Variants in APOLD1 observed in about 807,000 individuals in gnomAD.
APOLD1 encodes the protein apolipoprotein L domain-containing protein 1.
Under a neutral mutation model 15.3 loss-of-function variants are expected in APOLD1, and 22 were observed. The ratio of observed to expected loss-of-function variants is 1.44; its 90% confidence interval spans 1.03 to 2.05. The LOEUF is 2.05. APOLD1 is among the 30% of genes most tolerant of loss of function. The probability of loss-of-function intolerance (pLI) is 0.00; values close to 1 mark genes in which losing one functional copy is unlikely to be tolerated. For missense variants in APOLD1, 394 were observed against 353.5 expected, an observed-to-expected ratio of 1.11 and a Z score of -0.92; for synonymous variants, 190 against 167.4, an observed-to-expected ratio of 1.13 and a Z score of -1.04.
chr12:12,750,648 T>A (rs11055041), intron 1 of APOLD1, among the ~76,000 whole-genome samples: 38,945 of 151,882 alleles, frequency 0.26, 5,422 homozygotes, highest in Middle Eastern at 0.37. Context: ...ATTATTGGAG[T>A]GTAGTATACT....
chr12:12,771,014 T>C (rs564987413), intron 1 of APOLD1, among the ~76,000 whole-genome samples: 21 of 152,218 alleles, frequency 1.4e-4, no homozygotes, highest in African/African-American at 4.8e-4. Flanking sequence ...TGTGAAATCA[T>C]CCTTTAAAAG....
chr12:12,770,555 G>GA (rs760263226), intron 1 of APOLD1, among the ~76,000 whole-genome samples: 56 of 86,968 alleles, frequency 6.4e-4, no homozygotes, highest in African/African-American at 2.5e-3. Flanking sequence ...AAAACAAAGA[G>GA]AAAAAAAGAC....
intron 1 of APOLD1, among the ~76,000 whole-genome samples, chr12:12,750,416 T>C (rs1019007050): frequency 6.6e-6 from 1 of 150,412 alleles, no homozygotes; most frequent in African/African-American, 2.4e-5. Context: ...AAGATACATT[T>C]TGGACTTCTT....
chr12:12,742,954 G>A (rs934391275), intron 1 of APOLD1, among the ~76,000 whole-genome samples: 1 of 152,196 alleles, frequency 6.6e-6, no homozygotes, highest in Non-Finnish European at 1.5e-5. Flanking sequence ...TAAGGTTTTG[G>A]CATGCTGCCC....
intron 1 of APOLD1, among the ~76,000 whole-genome samples, chr12:12,736,372 A>AT (rs981304585): frequency 6.8e-6 from 1 of 146,386 alleles, no homozygotes; most frequent in Non-Finnish European, 1.5e-5. Flanking sequence ...AAACAAAACA[A>AT]AAAAACTAGC....
chr12:12,740,548 G>C (rs550384494), intron 1 of APOLD1, among the ~76,000 whole-genome samples: 1 of 152,308 alleles, frequency 6.6e-6, no homozygotes, highest in Admixed American at 6.5e-5. Context: ...GTAGTTGACT[G>C]TCTTCTGAAC....
intron 1 of APOLD1, among the ~76,000 whole-genome samples, chr12:12,744,913 C>T (rs1269001229): frequency 1.3e-5 from 2 of 152,164 alleles, no homozygotes; most frequent in Non-Finnish European, 2.9e-5. Flanking sequence ...GATCTGCTTT[C>T]CCTTCACCAA....
At position 12,787,195 on chromosome 12, in the gene APOLD1, C is replaced by G. The variant is rs1409767773; in HGVS notation, c.290C>G (p.Ala97Gly). The G allele has an allele frequency of 3.2e-6, 5 of 1,544,918 alleles. No individual in the cohort carries two copies. The highest frequency in any genetic ancestry group is 1.2e-5 in the South Asian group (1 of 81,098). ...GCCGTGGGGCTGGGGGTGGCCACAGCCGGAGGGGCCGTCACCATCACGTCC... is the reference window on the plus strand; with the variant it reads ...GCCGTGGGGCTGGGGGTGGCCACAGGCGGAGGGGCCGTCACCATCACGTCC... ...VSAVGLGVAT[A>G]GGAVTITSDL... The change falls in exon 2 of 2, where the codon GCC (alanine) becomes GGC (glycine). Residue 97 changes from alanine to glycine, a missense_variant. Coordinates refer to ENST00000356591, the MANE Select transcript of APOLD1 (RefSeq NM_030817.3). The surrounding 1 kb of genome is among the most constrained non-coding windows in gnomAD (Gnocchi z 4.9).
chr12:12,763,227 C>A (rs7488089), intron 1 of APOLD1, among the ~76,000 whole-genome samples: 100,985 of 152,094 alleles, frequency 0.66, 35,760 homozygotes, highest in Non-Finnish European at 0.78. Flanking sequence ...CTAAATCAAG[C>A]TAATTAACAT....
intron 1 of APOLD1, among the ~76,000 whole-genome samples, chr12:12,776,046 T>C (rs1195996160): frequency 9.0e-6 from 1 of 111,556 alleles, no homozygotes; most frequent in Non-Finnish European, 2.0e-5. Context: ...CAAACAAAAC[T>C]AAATTAATAA....
intron 1 of APOLD1, among the ~76,000 whole-genome samples, chr12:12,757,572 G>T (rs1039692073): frequency 2.6e-5 from 4 of 152,060 alleles, no homozygotes; most frequent in Admixed American, 6.6e-5. Context: ...TCAAGAACTA[G>T]AACGTTGTCA....
intron 1 of APOLD1, among the ~76,000 whole-genome samples, chr12:12,735,508 C>T (rs1946677595): frequency 6.6e-6 from 1 of 152,068 alleles, no homozygotes. Context: ...AAAGAATGTG[C>T]TTGTGGCTGG....
At chr12:12,767,959 T>A (rs1405371189) in intron 1 of APOLD1, among the ~76,000 whole-genome samples, 2 of 152,086 alleles carry the variant, frequency 1.3e-5, no homozygotes, top group Admixed American at 6.6e-5. Context: ...CTAATTTTTT[T>A]ATTTTTAGTA....
At chr12:12,754,434 C>T (rs1290660384) in intron 1 of APOLD1, among the ~76,000 whole-genome samples, 3 of 151,510 alleles carry the variant, frequency 2.0e-5, no homozygotes, top group Non-Finnish European at 4.4e-5. Context: ...CCTTTCCTAC[C>T]AGACATCTAC....
intron 1 of APOLD1, among the ~76,000 whole-genome samples, chr12:12,752,200 T>C (rs182655336): frequency 7.2e-5 from 11 of 152,276 alleles, no homozygotes; most frequent in Admixed American, 2.6e-4. Context: ...ACAGGGTAAT[T>C]TAATCTGACT....
At chr12:12,738,280 C>T (rs1163822236) in intron 1 of APOLD1, among the ~76,000 whole-genome samples, 15 of 146,068 alleles carry the variant, frequency 1.0e-4, no homozygotes, top group Non-Finnish European at 7.4e-5. Context: ...ATGATCATGG[C>T]TCACTGCAGC....
chr12:12,743,273 G>C (rs1346186766), intron 1 of APOLD1, among the ~76,000 whole-genome samples: 2 of 152,152 alleles, frequency 1.3e-5, no homozygotes, highest in East Asian at 3.9e-4. Flanking sequence ...TCACACACTT[G>C]TATTCCTAGC....
intron 1 of APOLD1, among the ~76,000 whole-genome samples, chr12:12,754,876 C>CAAAAA (rs56984147): frequency 4.6e-4 from 45 of 98,798 alleles, no homozygotes; most frequent in African/African-American, 1.1e-3. Flanking sequence ...CTTTGTCTCT[C>CAAAAA]AAAAAAAAAA....
chr12:12,783,027 G>A (rs948777552), upstream of APOLD1, among the ~76,000 whole-genome samples: 3 of 151,934 alleles, frequency 2.0e-5, no homozygotes, highest in South Asian at 2.1e-4. Flanking sequence ...CCAACATGGC[G>A]AAACCCCGTC....
Sources: gnomAD v4.1 joint callset for allele counts (sites outside exome capture counted in the v4.1 genomes callset) on GRCh38, gnomAD v4.1.1 for gene constraint, Gnocchi (gnomAD v3.1) non-coding constraint, MANE v1.5 for transcripts, NCBI Gene and HGNC (gene_info 2026-07-23, HGNC 2026-07-21) for gene names.